The following TXNDC8 variants were observed in gnomAD, a reference collection of about 807,000 sequenced individuals.
TXNDC8 encodes the protein thioredoxin domain-containing protein 8.
In TXNDC8, 15 loss-of-function variants were observed where a neutral mutation model predicts 12.9. The observed-to-expected ratio is 1.16, with a 90% CI of 0.78 to 1.79. The LOEUF (loss-of-function observed/expected upper bound fraction) is 1.79, where lower values mean the gene tolerates loss of function less well. Ranked by LOEUF, TXNDC8 falls within the 40% of genes most tolerant of loss-of-function variation. The pLI, the probability that TXNDC8 is intolerant of heterozygous loss-of-function variation, is 0.00. For missense variants in TXNDC8, 128 were observed against 113.2 expected (o/e 1.13, Z -0.59); for synonymous variants, 40 against 35.4 (o/e 1.13, Z -0.46).
intron 3 of TXNDC8, among the ~76,000 whole-genome samples, chr9:110,325,511 C>T (rs906373470): frequency 2.2e-5 from 3 of 133,854 alleles, no homozygotes; most frequent in African/African-American, 8.8e-5. Flanking sequence ...AACTTGTATA[C>T]ACTTTTTTTT....
intron 3 of TXNDC8, among the ~76,000 whole-genome samples, chr9:110,308,895 G>A (rs1327756907): frequency 1.3e-5 from 2 of 152,158 alleles, no homozygotes; most frequent in Non-Finnish European, 2.9e-5. Context: ...CTATTTTCCT[G>A]TATTGCATGA....
intron 3 of TXNDC8, among the ~76,000 whole-genome samples, chr9:110,311,832 T>C (rs1024958677): frequency 6.8e-6 from 1 of 146,010 alleles, no homozygotes; most frequent in Non-Finnish European, 1.5e-5. Context: ...CTATATACTA[T>C]ATATATACTA....
chr9:110,320,704 G>T (rs1839058596), intron 3 of TXNDC8, among the ~76,000 whole-genome samples: 1 of 152,130 alleles, frequency 6.6e-6, no homozygotes, highest in African/African-American at 2.4e-5. Context: ...TTTTAAGAGG[G>T]TCTATAAATC....
chr9:110,318,464 C>T (rs978822335), intron 3 of TXNDC8, among the ~76,000 whole-genome samples: 2 of 152,100 alleles, frequency 1.3e-5, no homozygotes, highest in East Asian at 1.9e-4. Flanking sequence ...TGGCCAGGCG[C>T]GGTTGCTCAC....
intron 3 of TXNDC8, among the ~76,000 whole-genome samples, chr9:110,312,754 A>G (rs188148668): frequency 6.6e-6 from 1 of 152,360 alleles, no homozygotes; most frequent in African/African-American, 2.4e-5. Flanking sequence ...ATTTGTCTTT[A>G]GTAGAAATGG....
chr9:110,324,728 G>A (rs1472283444), intron 3 of TXNDC8, among the ~76,000 whole-genome samples: 1 of 152,130 alleles, frequency 6.6e-6, no homozygotes, highest in Non-Finnish European at 1.5e-5. Flanking sequence ...TGTGTAAAAC[G>A]GAATAAGCAT....
chr9:110,316,663 T>G (rs762155619), intron 3 of TXNDC8, among the ~76,000 whole-genome samples: 1 of 152,250 alleles, frequency 6.6e-6, no homozygotes, highest in Non-Finnish European at 1.5e-5. Flanking sequence ...CAACTTGTTC[T>G]AATAGTGCGA....
intron 3 of TXNDC8, among the ~76,000 whole-genome samples, chr9:110,319,924 C>T (rs1429781719): frequency 6.6e-6 from 1 of 152,178 alleles, no homozygotes; most frequent in Non-Finnish European, 1.5e-5. Flanking sequence ...AACATAAGGG[C>T]ACAAGCTTCC....
At chr9:110,319,811 C>T (rs1055892927) in intron 3 of TXNDC8, among the ~76,000 whole-genome samples, 2 of 152,056 alleles carry the variant, frequency 1.3e-5, no homozygotes, top group African/African-American at 2.4e-5. Flanking sequence ...TCTAGCATAC[C>T]ACGGTATCAC....
At chr9:110,321,996 T>C (rs1233011299) in intron 3 of TXNDC8, among the ~76,000 whole-genome samples, 1 of 152,222 alleles carries the variant, frequency 6.6e-6, no homozygotes, top group Non-Finnish European at 1.5e-5. Context: ...GATCTCCTCC[T>C]CCTTTTTGTA....
intron 3 of TXNDC8, among the ~76,000 whole-genome samples, chr9:110,318,651 T>C (rs1023701204): frequency 4.6e-5 from 7 of 152,042 alleles, no homozygotes; most frequent in African/African-American, 1.7e-4. Context: ...GGCAGGAGAA[T>C]GGCGTGAAGC....
At chr9:110,329,935 G>T (rs1839487055) in intron 2 of TXNDC8, among the ~76,000 whole-genome samples, 1 of 152,168 alleles carries the variant, frequency 6.6e-6, no homozygotes, top group Non-Finnish European at 1.5e-5. Flanking sequence ...GGGGAGGAGG[G>T]AAGAAGTAAC....
chr9:110,311,520 G>GGT (rs1240194569), intron 3 of TXNDC8, among the ~76,000 whole-genome samples: 25 of 16,542 alleles, frequency 1.5e-3, no homozygotes, highest in African/African-American at 4.3e-3. Flanking sequence ...AAAATAAAGA[G>GGT]GTATATATAT....
chr9:110,331,898 C>T (rs1425197431), intron 2 of TXNDC8, among the ~76,000 whole-genome samples: 1 of 152,142 alleles, frequency 6.6e-6, no homozygotes, highest in Non-Finnish European at 1.5e-5. Flanking sequence ...TGGAGTGGTA[C>T]TGATCCATGG....
intron 2 of TXNDC8, among the ~76,000 whole-genome samples, chr9:110,327,784 G>A (rs1254608439): frequency 6.6e-6 from 1 of 152,162 alleles, no homozygotes; most frequent in Admixed American, 6.5e-5. Context: ...CCTAGGATTG[G>A]GGGGTGGAGG....
intron 2 of TXNDC8, among the ~76,000 whole-genome samples, chr9:110,333,303 C>T (rs997394272): frequency 6.6e-6 from 1 of 152,084 alleles, no homozygotes; most frequent in Admixed American, 6.6e-5. Context: ...GAGCAAGAAC[C>T]GTATTCTGAA....
chr9:110,302,634 GTT>G (rs369362259), downstream of TXNDC8, among the ~76,000 whole-genome samples: 2 of 140,280 alleles, frequency 1.4e-5, no homozygotes, highest in Admixed American at 1.4e-4. Context: ...AGTTAGCTCA[GTT>G]TTTTTTTTTT....
At chr9:110,322,312 G>T (rs1839133895) in intron 3 of TXNDC8, 2 of 935,804 alleles carry the variant, frequency 2.1e-6, no homozygotes, top group African/African-American at 1.8e-5. Context: ...GGGTGACCCT[G>T]GAATTAGAAT....
chr9:110,330,287 TC>T (rs1436986271), intron 2 of TXNDC8, among the ~76,000 whole-genome samples: 1 of 152,230 alleles, frequency 6.6e-6, no homozygotes, highest in Non-Finnish European at 1.5e-5. Context: ...TTACTGACAT[TC>T]ACTCTGGGTT....
Sources: allele counts gnomAD v4.1 joint callset (sites outside exome capture counted in the v4.1 genomes callset), GRCh38; gene constraint gnomAD v4.1.1; transcripts MANE v1.5; gene names NCBI Gene and HGNC (gene_info 2026-07-23, HGNC 2026-07-21).